The following GDA variants were observed in gnomAD, a reference collection of about 807,000 sequenced individuals.
GDA encodes the protein cytoplasmic PSD-95 interactor.
GDA carries 18 observed loss-of-function variants against 59.6 expected under a neutral mutation model. The ratio of observed to expected loss-of-function variants is 0.30; its 90% confidence interval spans 0.21 to 0.45. GDA has a LOEUF of 0.45. Among genes scored for constraint, GDA ranks in the 20% least tolerant of loss-of-function variants. GDA has a pLI of 1.00. For synonymous variants in GDA, 201 were observed against 201.1 expected (o/e 1.00, Z 0.00); for missense variants, 427 against 552.3 (o/e 0.77, Z 2.27).
At chr9:72,119,239 T>C (rs993184182) in intron 1 of GDA, among the ~76,000 whole-genome samples, 18 of 152,194 alleles carry the variant, frequency 1.2e-4, no homozygotes, top group African/African-American at 3.6e-4. Context: ...GCGCAGCGGC[T>C]CACACCTGCA....
At chr9:72,230,499 A>ATATATAT (rs1564145845) in intron 9 of GDA, among the ~76,000 whole-genome samples, 1 of 121,822 alleles carries the variant, frequency 8.2e-6, no homozygotes, top group Non-Finnish European at 1.8e-5. Flanking sequence ...TCAAAAAAAA[A>ATATATAT]AAATATATAT....
At position 72,130,715 on chromosome 9, in the gene GDA, G is replaced by A. The variant is rs1825997572; in HGVS notation, c.-100+15882G>A. Among the ~76,000 whole-genome samples the A allele has an allele frequency of 3.3e-5, 5 of 152,198 alleles. No homozygotes were observed. The South Asian group carries it at 1.0e-3, about 31-fold the overall frequency. ...AAGGCAGGCAACCAATCCAGTCTAA[G>A]GCTTGGAAAGGGTCCATGAAGACTT... On this transcript the variant is annotated intron_variant, in intron 1 of 13. Coordinates refer to the GDA transcript ENST00000545168.
At chr9:72,243,631 CCT>C (rs1839854671) in intron 11 of GDA, among the ~76,000 whole-genome samples, 2 of 152,246 alleles carry the variant, frequency 1.3e-5, no homozygotes, top group Non-Finnish European at 2.9e-5. Context: ...TTTTCATACC[CCT>C]GTCTTGCTAA....
chr9:72,174,915 T>C, intron 1 of GDA, among the ~76,000 whole-genome samples: 1 of 151,786 alleles, frequency 6.6e-6, no homozygotes, highest in South Asian at 2.1e-4. Context: ...AAAGGAAAAG[T>C]GTTCCATCCA....
rs7042164 is a variant in GDA, at chr9:72,250,132, C to T, written c.*1790C>T. 23 of 984,810 alleles carry T rather than the reference C, an allele frequency of 2.3e-5. No individual in the cohort carries two copies. Among genetic ancestry groups the T allele is most frequent in the East Asian group, 1.1e-4 (1 of 8,810 alleles). 61.0% of individuals were successfully genotyped at this position (984,810 alleles called of 1,614,324 possible). A position where few individuals can be genotyped will look rare whatever the true frequency, so the allele number is the denominator to read the frequency against. On this transcript the variant is annotated 3_prime_UTR_variant, in exon 14 of 14. Coordinates refer to ENST00000358399, the MANE Select transcript of GDA (RefSeq NM_004293.5). ...TGCCAAATTTCTCCCCATTTCTCTA[C>T]GGGGCTAGCAAAAATCTTCAGCTTT...
downstream of GDA, among the ~76,000 whole-genome samples, chr9:72,259,312 C>T (rs1383474328): frequency 3.3e-5 from 5 of 152,162 alleles, no homozygotes; most frequent in African/African-American, 1.2e-4. Flanking sequence ...CGTGAGCCAC[C>T]GTGCCTGGCC....
chr9:72,198,994 G>A (rs1223671998), intron 2 of GDA, among the ~76,000 whole-genome samples: 13 of 152,002 alleles, frequency 8.6e-5, no homozygotes, highest in Admixed American at 3.9e-4. Context: ...CTGAAAAGAA[G>A]GGAGAAAGGA....
chr9:72,160,924 T>C (rs1828543764), intron 1 of GDA, among the ~76,000 whole-genome samples: 1 of 152,188 alleles, frequency 6.6e-6, no homozygotes, highest in Non-Finnish European at 1.5e-5. Context: ...AGGTCATTGC[T>C]GACATAGCTT....
intron 1 of GDA, among the ~76,000 whole-genome samples, chr9:72,123,206 C>G (rs1237983444): frequency 7.7e-6 from 1 of 129,512 alleles, no homozygotes; most frequent in Non-Finnish European, 1.6e-5. Context: ...TTTTTTGAGA[C>G]CGAGTCTTGC....
chr9:72,139,772 TCA>T (rs2130647407), intron 1 of GDA, among the ~76,000 whole-genome samples: 1 of 152,328 alleles, frequency 6.6e-6, no homozygotes, highest in African/African-American at 2.4e-5. Flanking sequence ...AGCATCTTAC[TCA>T]TAAGAGGCAC....
chr9:72,213,259 T>C (rs1051188237), intron 4 of GDA, among the ~76,000 whole-genome samples: 1 of 152,014 alleles, frequency 6.6e-6, no homozygotes, highest in Non-Finnish European at 1.5e-5. Flanking sequence ...AGAGTGAGAC[T>C]CCGTCTCAAA....
chr9:72,228,147 T>C, intron 9 of GDA, 107 bp downstream of exon 9: 1 of 709,360 alleles, frequency 1.4e-6, no homozygotes, highest in Non-Finnish European at 2.5e-6. Context: ...CCCTCTATTC[T>C]GTGTTTGGCA....
Position 72,225,763 on chromosome 9 carries a change from AAAC to A in GDA, c.804_806del (p.Asn269del). ...AAAACTACACATCTGTGTATGATAA[AAAC>A]AATCTTTTGACAAATAAGGTAAGTT... is the stretch of plus-strand genomic sequence containing the variant. On this transcript the variant is annotated inframe_deletion, in exon 8 of 14. Coordinates refer to ENST00000358399, the MANE Select transcript of GDA (RefSeq NM_004293.5). The A allele has an allele frequency of 7.1e-7, 1 of 1,418,216 alleles. No homozygotes were observed. 87.9% of individuals were successfully genotyped at this position (1,418,216 alleles called of 1,614,324 possible). A position where few individuals can be genotyped will look rare whatever the true frequency, so the allele number is the denominator to read the frequency against.
At chr9:72,179,947 CTAAA>C (rs1563958968) in intron 1 of GDA, among the ~76,000 whole-genome samples, 2 of 149,620 alleles carry the variant, frequency 1.3e-5, no homozygotes, top group Non-Finnish European at 3.0e-5. Context: ...GATGTTATCT[CTAAA>C]TAAGGTCACA....
chr9:72,189,677 C>A (rs1832295796), intron 1 of GDA, among the ~76,000 whole-genome samples: 1 of 152,030 alleles, frequency 6.6e-6, no homozygotes, highest in Non-Finnish European at 1.5e-5. Context: ...CCCTTCTCTA[C>A]CAAAAATACA....
At chr9:72,119,074 A>G (rs1018311058) in intron 1 of GDA, among the ~76,000 whole-genome samples, 1 of 152,258 alleles carries the variant, frequency 6.6e-6, no homozygotes, top group African/African-American at 2.4e-5. Context: ...TTCTAGGAAT[A>G]TAAATAAAAA....
At chr9:72,247,972 G>A (rs1840327784) in intron 13 of GDA, among the ~76,000 whole-genome samples, 1 of 152,118 alleles carries the variant, frequency 6.6e-6, no homozygotes, top group South Asian at 2.1e-4. Context: ...CTTTCTCAGT[G>A]GGGGCAAAAT....
intron 1 of GDA, among the ~76,000 whole-genome samples, chr9:72,181,624 C>A (rs1305083722): frequency 6.6e-6 from 1 of 152,044 alleles, no homozygotes; most frequent in African/African-American, 2.4e-5. Flanking sequence ...CGCGCCTGGC[C>A]TCACTATCTT....
intron 1 of GDA, among the ~76,000 whole-genome samples, chr9:72,138,077 T>G (rs1826308065): frequency 6.6e-6 from 1 of 152,156 alleles, no homozygotes; most frequent in African/African-American, 2.4e-5. Context: ...CCCATACATC[T>G]GTCTGCAGCT....
Sources: allele counts gnomAD v4.1 joint callset (sites outside exome capture counted in the v4.1 genomes callset), GRCh38; gene constraint gnomAD v4.1.1; transcripts MANE v1.5; gene names NCBI Gene and HGNC (gene_info 2026-07-23, HGNC 2026-07-21).